Variants in RASGRP3 observed in about 807,000 individuals in gnomAD.
The protein encoded by RASGRP3 is RAS guanyl releasing protein 3.
Under a neutral mutation model 82.7 loss-of-function variants are expected in RASGRP3, and 54 were observed. That is an observed-to-expected ratio of 0.65 (90% CI 0.52 to 0.82). The LOEUF (loss-of-function observed/expected upper bound fraction) is 0.82, where lower values mean the gene tolerates loss of function less well. RASGRP3 is among the 40% of genes least tolerant of loss of function. The pLI is 0.00. For missense variants in RASGRP3, 861 were observed against 828.9 expected (o/e 1.04, Z -0.48); for synonymous variants, 309 against 300.5 (o/e 1.03, Z -0.29).
chr2:33,558,206 T>C lies in RASGRP3; in HGVS notation c.1580-5T>C. ...ATCATCTGCGACACCCTTGGAATTTTTCAGACTGTGGAGCCAATTGTCACA... is the reference window on the plus strand; with the variant it reads ...ATCATCTGCGACACCCTTGGAATTTCTCAGACTGTGGAGCCAATTGTCACA... On this transcript the variant is annotated splice_region_variant and splice_polypyrimidine_tract_variant and intron_variant, in intron 15 of 17. Transcript: ENST00000403687. The C allele has an allele frequency of 6.2e-7, 1 of 1,609,850 alleles. No homozygotes were observed. The highest frequency in any genetic ancestry group is 2.2e-5 in the East Asian group (1 of 44,820).
intron 4 of RASGRP3, among the ~76,000 whole-genome samples, chr2:33,519,129 C>A (rs755268175): frequency 1.3e-5 from 2 of 152,206 alleles, no homozygotes; most frequent in Non-Finnish European, 2.9e-5. Context: ...ACCATCACTA[C>A]AAACACATGA....
chr2:33,489,484 G>A (rs1347586195), intron 1 of RASGRP3, among the ~76,000 whole-genome samples: 1 of 152,208 alleles, frequency 6.6e-6, no homozygotes, highest in Non-Finnish European at 1.5e-5. Flanking sequence ...TCAAATGTTG[G>A]CAGGCAAGGA....
chr2:33,527,367 C>G lies in RASGRP3; in HGVS notation c.1038C>G (p.Ala346=). Residue 346 remains alanine, a synonymous_variant, in exon 10 of 18, where the codon GCC becomes GCG. Coordinates refer to ENST00000403687, the MANE Select transcript of RASGRP3 (RefSeq NM_001139488.2). ...TLSELVSLQN[A]SHHLEPNMDL... ...GTGAACTAGTCTCCCTGCAGAATGCCTCTCACCACTTAGAACCCAACATGG... is the reference window on the plus strand; with the variant it reads ...GTGAACTAGTCTCCCTGCAGAATGCGTCTCACCACTTAGAACCCAACATGG... 1 of 1,613,924 alleles carries G rather than the reference C, an allele frequency of 6.2e-7. No homozygotes were observed. Among genetic ancestry groups the G allele is most frequent in the Non-Finnish European group, 8.5e-7 (1 of 1,179,836 alleles).
chr2:33,507,287 C>T (rs886540504), intron 1 of RASGRP3, among the ~76,000 whole-genome samples: 7 of 151,952 alleles, frequency 4.6e-5, no homozygotes, highest in African/African-American at 1.4e-4. Context: ...CCCAGGTACT[C>T]GGAAGGCTGA....
At chr2:33,495,573 T>C (rs1669234251) in intron 1 of RASGRP3, among the ~76,000 whole-genome samples, 1 of 152,002 alleles carries the variant, frequency 6.6e-6, no homozygotes, top group East Asian at 1.9e-4. Flanking sequence ...TATAATGATG[T>C]AATGAGTGAA....
At chr2:33,520,530 C>G in intron 5 of RASGRP3, 23 bp from the exon 6 acceptor site, 1 of 1,611,634 alleles carries the variant, frequency 6.2e-7, no homozygotes, top group Non-Finnish European at 8.5e-7. Context: ...TTCCAGCTGC[C>G]AAAAATATTT....
chr2:33,514,556 G>A (rs1285667030), intron 2 of RASGRP3, among the ~76,000 whole-genome samples: 1 of 149,736 alleles, frequency 6.7e-6, no homozygotes, highest in African/African-American at 2.4e-5. Flanking sequence ...GTGGTGGTGT[G>A]TGTCTGTAGT....
chr2:33,508,248 A>C lies in RASGRP3; in HGVS notation c.-260-3462A>C, dbSNP rs540324019. Among the ~76,000 whole-genome samples, 5 of 152,260 alleles carry C rather than the reference A, an allele frequency of 3.3e-5. No homozygotes were observed. In the South Asian group the frequency reaches 6.2e-4, roughly 19 times the overall value. On this transcript the variant is annotated intron_variant, in intron 1 of 17. Transcript: ENST00000403687. ...GATTCCAAGGAGAAATTTTGTTTTA[A>C]ATGATTTCCCTTGATCATATCAAGG...
chr2:33,445,306 A>C (rs1665442857), intron 1 of RASGRP3, among the ~76,000 whole-genome samples: 1 of 152,254 alleles, frequency 6.6e-6, no homozygotes, highest in African/African-American at 2.4e-5. Flanking sequence ...AAATCCTGGC[A>C]ATGAGTTGCA....
intron 2 of RASGRP3, among the ~76,000 whole-genome samples, chr2:33,448,718 TAAA>T (rs148803516): frequency 7.2e-5 from 11 of 152,068 alleles, no homozygotes; most frequent in Non-Finnish European, 1.5e-4. Context: ...TTTGGTGTGA[TAAA>T]AAAGTTTTGC....
At chr2:33,449,429 G>C (rs1307848786) in intron 2 of RASGRP3, among the ~76,000 whole-genome samples, 1 of 152,132 alleles carries the variant, frequency 6.6e-6, no homozygotes, top group Non-Finnish European at 1.5e-5. Context: ...AACCATGTTT[G>C]ATGACATACA....
chr2:33,468,652 G>A (rs1044836741), intron 2 of RASGRP3, among the ~76,000 whole-genome samples: 14 of 152,072 alleles, frequency 9.2e-5, no homozygotes, highest in East Asian at 1.9e-4. Flanking sequence ...CACCTGCCTC[G>A]GCCTCCCAAA....
In RASGRP3 at chr2:33,487,336, C is replaced by T. The variant is rs537489219; in HGVS notation, c.-261+10629C>T. The stretch of plus-strand genomic sequence containing the variant: ...TCAGAGAAAGAAAAATACCAAATAC[C>T]AAAAGAAGACTTCAAAGATAGGTTT... On this transcript the variant is annotated intron_variant, in intron 1 of 17. Transcript: ENST00000403687. Among the ~76,000 whole-genome samples the T allele has an allele frequency of 7.1e-4, 108 of 152,098 alleles. 1 individual carries two copies. The South Asian group carries it at 0.012, about 18-fold the overall frequency.
At chr2:33,479,107 A>G (rs561945356) in intron 1 of RASGRP3, among the ~76,000 whole-genome samples, 1 of 152,322 alleles carries the variant, frequency 6.6e-6, no homozygotes, top group East Asian at 1.9e-4. Flanking sequence ...AAAACTCACA[A>G]CATGCAAATG....
rs145755995 is a variant in RASGRP3 at position 33,462,453 on chromosome 2, C to A, written c.-261+14510C>A. Among the ~76,000 whole-genome samples, 368 of 151,092 alleles carry A rather than the reference C, an allele frequency of 2.4e-3. 3 individuals are homozygous for A. Among genetic ancestry groups the A allele is most frequent in the African/African-American group, 8.4e-3 (346 of 41,190 alleles). ...GGAGTACAGTGGTGCGATCGGCACA[C>A]TGCAACCTACACCTCCCGGGTTCAA... On this transcript the variant is annotated intron_variant, in intron 2 of 18. Coordinates refer to the RASGRP3 transcript ENST00000402538.
intron 1 of RASGRP3, among the ~76,000 whole-genome samples, chr2:33,506,966 C>G (rs1307439178): frequency 1.3e-5 from 2 of 152,010 alleles, no homozygotes; most frequent in Non-Finnish European, 2.9e-5. Flanking sequence ...GTGGAGCACA[C>G]TGGGAAGAAC....
chr2:33,493,679 C>A (rs1427654560), intron 1 of RASGRP3, among the ~76,000 whole-genome samples: 1 of 151,978 alleles, frequency 6.6e-6, no homozygotes, highest in African/African-American at 2.4e-5. Context: ...GCTTGAGATG[C>A]CCGGCACCCA....
In RASGRP3 at chr2:33,523,807, A is replaced by G. The variant is rs963317334; in HGVS notation, c.517-72A>G. On this transcript the variant is annotated intron_variant, in intron 7 of 17. Coordinates refer to ENST00000403687, the MANE Select transcript of RASGRP3 (RefSeq NM_001139488.2). ...TACGAAACAATATCTCACCTTTTCT[A>G]TGCAATATTCTAATTTTTGATTTTA... 3.0e-6 allele frequency: 4 copies of G among 1,353,776 alleles called. No homozygotes were observed. In the East Asian group the frequency reaches 9.3e-5, roughly 32 times the overall value. The allele number at this position is 1,353,776 out of a possible 1,614,324, so 83.9% of individuals were successfully genotyped here. A position where few individuals can be genotyped will look rare whatever the true frequency, so the allele number is the denominator to read the frequency against.
intron 2 of RASGRP3, among the ~76,000 whole-genome samples, chr2:33,452,845 C>A (rs545377704): frequency 1.1e-4 from 16 of 152,286 alleles, no homozygotes; most frequent in Admixed American, 8.5e-4. Flanking sequence ...CTGCTTGCAG[C>A]CTGGGGCCAT....
Sources: allele counts gnomAD v4.1 joint callset (sites outside exome capture counted in the v4.1 genomes callset), GRCh38; gene constraint gnomAD v4.1.1; transcripts MANE v1.5; gene names NCBI Gene and HGNC (gene_info 2026-07-23, HGNC 2026-07-21).